MTG1: variants seen among roughly 807,000 people sequenced by gnomAD.
The protein encoded by MTG1 is mitochondrial ribosome associated GTPase 1.
MTG1 carries 30 observed loss-of-function variants against 39.5 expected under a neutral mutation model. That is an observed-to-expected ratio of 0.76 (90% CI 0.57 to 1.03). The LOEUF is 1.03. Ranked by LOEUF, MTG1 falls within the 50% of genes least tolerant of loss-of-function variation. The pLI, the probability that MTG1 is intolerant of heterozygous loss-of-function variation, is 0.00. For synonymous variants in MTG1, 217 were observed against 179.0 expected, an observed-to-expected ratio of 1.21 and a Z score of -1.69; for missense variants, 513 against 447.4, an observed-to-expected ratio of 1.15 and a Z score of -1.32.
chr10:133,396,062 G>C, intron 2 of MTG1, 101 bp from the exon 3 acceptor site: 20 of 1,098,054 alleles, frequency 1.8e-5, no homozygotes, highest in Non-Finnish European at 2.8e-5. Flanking sequence ...CTGTACTTGA[G>C]GAATGAATTG....
Position 133,402,339 on chromosome 10 carries a change from A to G in MTG1, c.670+94A>G. On this transcript the variant is annotated intron_variant, in intron 8 of 10. Coordinates refer to ENST00000317502, the MANE Select transcript of MTG1 (RefSeq NM_138384.4). The surrounding 1 kb of genome is among the most constrained non-coding windows in gnomAD (Gnocchi z 4.7). ...CTTTGGCACAGGGCCCCTAGACGGG[A>G]GTTGTTACTGCCTTTGACCTGGTTG... 1 of 1,441,296 alleles carries G rather than the reference A, an allele frequency of 6.9e-7. No individual in the cohort carries two copies. Among genetic ancestry groups the G allele is most frequent in the Admixed American group, 1.7e-5 (1 of 59,012 alleles). The allele number at this position is 1,441,296 out of a possible 1,614,324, so 89.3% of individuals were successfully genotyped here.
chr10:133,418,922 G>A (rs1850179148), intron 9 of MTG1, among the ~76,000 whole-genome samples: 1 of 152,216 alleles, frequency 6.6e-6, no homozygotes, highest in South Asian at 2.1e-4. Context: ...ACAATCACTG[G>A]GTGACGCTTA....
chr10:133,406,316 C>T (rs55972860), intron 9 of MTG1, among the ~76,000 whole-genome samples: 15,898 of 152,004 alleles, frequency 0.1, 1,037 homozygotes, highest in African/African-American at 0.18. Context: ...TTTCTTGCTT[C>T]GGGTCTTGCC....
chr10:133,399,271 G>A (rs1235458292), intron 5 of MTG1, 45 bp downstream of exon 5: 5 of 1,603,276 alleles, frequency 3.1e-6, no homozygotes, highest in Non-Finnish European at 3.4e-6. Context: ...GCGGGCGTGG[G>A]ATGGGCCAGC....
At chr10:133,407,723 C>G (rs1365650300) in intron 9 of MTG1, among the ~76,000 whole-genome samples, 3 of 152,096 alleles carry the variant, frequency 2.0e-5, no homozygotes, top group Non-Finnish European at 4.4e-5. Context: ...CGTGTGCCAC[C>G]ACGCCTGGCT....
intron 9 of MTG1, among the ~76,000 whole-genome samples, chr10:133,411,463 T>A (rs1322611595): frequency 6.6e-6 from 1 of 152,250 alleles, no homozygotes; most frequent in Non-Finnish European, 1.5e-5. Context: ...CTGACCTCCC[T>A]GTACCTGGAC....
At position 133,395,736 on chromosome 10, in the gene MTG1, C is replaced by T; in HGVS notation, c.136C>T (p.Leu46=). 1 of 1,614,124 alleles carries T rather than the reference C, an allele frequency of 6.2e-7. No individual in the cohort carries two copies. Among genetic ancestry groups the T allele is most frequent in the Non-Finnish European group, 8.5e-7 (1 of 1,180,030 alleles). Residue 46 remains leucine, a synonymous_variant, in exon 2 of 11, where the codon CTG becomes TTG. Coordinates refer to ENST00000317502, the MANE Select transcript of MTG1 (RefSeq NM_138384.4). ...AKGLKKMQSS[L]KLVDCIIEVH... is the part of the protein sequence containing the mutation. The stretch of plus-strand genomic sequence containing the variant: ...AGGGCTGAAGAAGATGCAGAGCAGC[C>T]TGAAGCTGGTGGACTGTATCATCGA...
chr10:133,419,501 G>A lies in MTG1; in HGVS notation c.774G>A (p.Leu258=). Residue 258 remains leucine (L), a synonymous_variant, in exon 10 of 11, where the codon CTG becomes CTA. Transcript: ENST00000317502. ...GCAGGTACGTGCAGCACTACGGCCT[G>A]GGCAGTGCCTGTGACAACGTAGAGC... ...QRFGYVQHYG[L]GSACDNVERV... 6.2e-7 allele frequency: 1 copy of A among 1,604,822 alleles called. No homozygotes were observed. The highest frequency in any genetic ancestry group is 1.1e-5 in the South Asian group (1 of 89,204).
intron 9 of MTG1, among the ~76,000 whole-genome samples, chr10:133,417,913 T>G (rs1163781547): frequency 6.6e-6 from 1 of 152,236 alleles, no homozygotes; most frequent in African/African-American, 2.4e-5. Context: ...TGCTCATTGG[T>G]AGGAAGAATC....
chr10:133,395,468 G>A lies in MTG1; in HGVS notation c.113-245G>A, dbSNP rs540242944. On this transcript the variant is annotated intron_variant, in intron 1 of 10. Coordinates refer to ENST00000317502, the MANE Select transcript of MTG1 (RefSeq NM_138384.4). Reference sequence around the variant, plus strand: ...AGCCATGAGTCAGGTGGTGAAGACCGCATCTGGCTTTTGACACATGGCCCA... The same window carrying A: ...AGCCATGAGTCAGGTGGTGAAGACCACATCTGGCTTTTGACACATGGCCCA... Among the ~76,000 whole-genome samples, 73 of 152,284 alleles carry A rather than the reference G, an allele frequency of 4.8e-4. 1 individual carries two copies. The highest frequency in any genetic ancestry group is 2.5e-3 in the Admixed American group (39 of 15,296).
intron 5 of MTG1, 143 bp from the exon 6 acceptor site, chr10:133,399,386 G>A (rs1849835623): frequency 7.6e-6 from 9 of 1,179,132 alleles, no homozygotes; most frequent in South Asian, 2.6e-5. Flanking sequence ...GGCCGTCCCC[G>A]CTGGGTGGGC....
chr10:133,398,213 C>T (rs1002572439), intron 3 of MTG1, among the ~76,000 whole-genome samples: 8 of 152,200 alleles, frequency 5.3e-5, no homozygotes, highest in Non-Finnish European at 7.3e-5. Flanking sequence ...CTGCTTTGCA[C>T]TAGTTTCACT....
At chr10:133,412,633 A>G (rs969314258) in intron 9 of MTG1, among the ~76,000 whole-genome samples, 1 of 152,130 alleles carries the variant, frequency 6.6e-6, no homozygotes, top group African/African-American at 2.4e-5. Flanking sequence ...TTCCTGATCT[A>G]AGGTAGGAAG....
intron 1 of MTG1, among the ~76,000 whole-genome samples, chr10:133,395,177 C>T (rs989175169): frequency 6.6e-6 from 1 of 152,126 alleles, no homozygotes; most frequent in Non-Finnish European, 1.5e-5. Context: ...GGGCAGATCA[C>T]GAGGTCAGGA....
chr10:133,413,681 A>G (rs575364734), intron 9 of MTG1, among the ~76,000 whole-genome samples: 31 of 152,260 alleles, frequency 2.0e-4, no homozygotes, highest in Admixed American at 7.8e-4. Context: ...TTTAGGGTGT[A>G]TAGTATGTCT....
intron 9 of MTG1, among the ~76,000 whole-genome samples, chr10:133,407,200 C>T (rs113164333): frequency 0.012 from 1,808 of 152,178 alleles, 34 homozygotes; most frequent in African/African-American, 0.042. Context: ...TTGGTTACTA[C>T]GAATATTTTG....
intron 9 of MTG1, among the ~76,000 whole-genome samples, chr10:133,408,207 C>T (rs777354471): frequency 4.6e-5 from 7 of 152,240 alleles, no homozygotes; most frequent in East Asian, 3.9e-4. Flanking sequence ...GCTTGTCATG[C>T]GTGGCCTTTA....
intron 9 of MTG1, among the ~76,000 whole-genome samples, chr10:133,413,968 GA>G (rs1850084357): frequency 6.7e-6 from 1 of 148,566 alleles, no homozygotes; most frequent in Admixed American, 6.7e-5. Context: ...CGCAGAGGGG[GA>G]TTTGGCAGGG....
chr10:133,406,740 G>A (rs187612621), intron 9 of MTG1, among the ~76,000 whole-genome samples: 213 of 140,902 alleles, frequency 1.5e-3, no homozygotes, highest in African/African-American at 5.3e-3. Context: ...ATCTCGGCTC[G>A]CTGCAACCCC....
Sources: allele counts gnomAD v4.1 joint callset (sites outside exome capture counted in the v4.1 genomes callset), GRCh38; gene constraint gnomAD v4.1.1; non-coding constraint Gnocchi (gnomAD v3.1); transcripts MANE v1.5; gene names NCBI Gene and HGNC (gene_info 2026-07-23, HGNC 2026-07-21).